APBB1IP: variants seen among roughly 807,000 people sequenced by gnomAD.
APBB1IP encodes the protein amyloid beta precursor protein binding family B member 1 interacting protein.
Under a neutral mutation model 64.9 loss-of-function variants are expected in APBB1IP, and 27 were observed. The observed-to-expected ratio is 0.42, with a 90% CI of 0.31 to 0.57. APBB1IP has a LOEUF of 0.57. APBB1IP is among the 20% of genes least tolerant of loss of function. The probability of loss-of-function intolerance (pLI) is 0.20; values close to 1 mark genes in which losing one functional copy is unlikely to be tolerated. For synonymous variants in APBB1IP, 392 were observed against 331.0 expected (o/e 1.18, Z -2.00); for missense variants, 812 against 845.5 (o/e 0.96, Z 0.49).
Position 26,567,240 on chromosome 10 carries a change from C to T in APBB1IP, c.1753C>T (p.Pro585Ser). 2 of 1,333,790 alleles carry T rather than the reference C, an allele frequency of 1.5e-6. No homozygotes were observed. Among genetic ancestry groups the T allele is most frequent in the South Asian group, 1.7e-5 (1 of 59,724 alleles). 82.6% of individuals were successfully genotyped at this position (1,333,790 alleles called of 1,614,324 possible). Residue 585 changes from proline (P) to serine (S), a missense_variant, in exon 15 of 15, where the codon CCG becomes TCG. By Grantham distance (74) the Pro-to-Ser change is moderately conservative (BLOSUM62 -1). Around this residue, in one of 3 missense-constraint regions of APBB1IP, gnomAD observed 381 missense variants for 352.1 expected, o/e 1.08. Coordinates refer to ENST00000376236, the MANE Select transcript of APBB1IP (RefSeq NM_019043.4). Reference protein sequence around the residue: ...FMEPPPDFVPPPPPSYAGIAG... With the variant: ...FMEPPPDFVPSPPPSYAGIAG... ...GGAGCCGCCCCCAGACTTCGTGCCC[C>T]CGCCCCCGCCGTCGTACGCAGGGAT...
chr10:26,469,607 AC>A (rs1835692670), intron 2 of APBB1IP, among the ~76,000 whole-genome samples: 1 of 151,488 alleles, frequency 6.6e-6, no homozygotes, highest in South Asian at 2.1e-4. Context: ...TTATTTTTCA[AC>A]TTTTATTTTA....
chr10:26,551,993 T>C (rs1263538757), intron 11 of APBB1IP, among the ~76,000 whole-genome samples: 2 of 152,108 alleles, frequency 1.3e-5, no homozygotes, highest in Non-Finnish European at 2.9e-5. Context: ...CCTTGTACCA[T>C]TGTGTCCTTC....
chr10:26,447,894 C>T (rs891740915), intron 2 of APBB1IP, among the ~76,000 whole-genome samples: 1 of 152,064 alleles, frequency 6.6e-6, no homozygotes, highest in Non-Finnish European at 1.5e-5. Flanking sequence ...CCTCGGCCTC[C>T]CAAAGTGCCG....
At chr10:26,527,559 G>GA (rs946509710) in intron 8 of APBB1IP, among the ~76,000 whole-genome samples, 33 of 145,202 alleles carry the variant, frequency 2.3e-4, no homozygotes, top group Non-Finnish European at 4.4e-4. Context: ...AAAAAAAAAA[G>GA]AAAAAAATAC....
chr10:26,463,177 C>G (rs1181725671), intron 2 of APBB1IP, among the ~76,000 whole-genome samples: 1 of 152,168 alleles, frequency 6.6e-6, no homozygotes, highest in South Asian at 2.1e-4. Context: ...GTGGCTCACA[C>G]CTGAAATCTC....
chr10:26,550,531 G>A (rs527547652), intron 11 of APBB1IP, among the ~76,000 whole-genome samples: 1 of 151,684 alleles, frequency 6.6e-6, no homozygotes, highest in African/African-American at 2.4e-5. Flanking sequence ...GATCAATTCT[G>A]CAGTTGATGT....
chr10:26,498,636 A>G (rs1836058453), intron 4 of APBB1IP, among the ~76,000 whole-genome samples: 2 of 152,238 alleles, frequency 1.3e-5, no homozygotes, highest in South Asian at 2.1e-4. Context: ...TAATCAGTTC[A>G]ATTAAAGTTA....
At position 26,567,643 on chromosome 10, in the gene APBB1IP, A is replaced by T; in HGVS notation, c.*155A>T. On this transcript the variant is annotated 3_prime_UTR_variant, in exon 15 of 15. Transcript: ENST00000376236. ...CAAGTACAGGCATAACCATTAACCC[A>T]GTAGAGTTCAGAATATCTGCCCAAA... is the stretch of plus-strand genomic sequence containing the variant. 7.2e-7 allele frequency: 1 copy of T among 1,391,978 alleles called. No individual in the cohort carries two copies. Among genetic ancestry groups the T allele is most frequent in the Non-Finnish European group, 9.4e-7 (1 of 1,058,502 alleles). 86.2% of individuals were successfully genotyped at this position (1,391,978 alleles called of 1,614,324 possible).
At chr10:26,537,898 C>T (rs977273814) in intron 10 of APBB1IP, among the ~76,000 whole-genome samples, 4 of 144,914 alleles carry the variant, frequency 2.8e-5, no homozygotes, top group African/African-American at 1.0e-4. Context: ...CATGCCGCTG[C>T]ACTCCAGCCT....
chr10:26,513,358 T>C (rs1286420787), intron 7 of APBB1IP, among the ~76,000 whole-genome samples, 181 bp from the exon 8 acceptor site: 1 of 152,216 alleles, frequency 6.6e-6, no homozygotes, highest in Non-Finnish European at 1.5e-5. Context: ...GGAAGATAAC[T>C]TGAAGACAAT....
intron 2 of APBB1IP, among the ~76,000 whole-genome samples, chr10:26,466,120 C>G (rs1482572676): frequency 6.6e-6 from 1 of 152,200 alleles, no homozygotes; most frequent in Non-Finnish European, 1.5e-5. Flanking sequence ...GTTTTTCACT[C>G]TCTTTCCTGG....
At chr10:26,534,128 A>G (rs1213510115) in intron 9 of APBB1IP, among the ~76,000 whole-genome samples, 2 of 151,986 alleles carry the variant, frequency 1.3e-5, no homozygotes, top group Non-Finnish European at 2.9e-5. Flanking sequence ...GATTTTTTGG[A>G]AACCTCTAAT....
chr10:26,539,049 C>T (rs1261246890), intron 10 of APBB1IP, among the ~76,000 whole-genome samples: 1 of 152,148 alleles, frequency 6.6e-6, no homozygotes, highest in Non-Finnish European at 1.5e-5. Context: ...TACCTCATTC[C>T]ATGTACCAAA....
intron 8 of APBB1IP, among the ~76,000 whole-genome samples, chr10:26,524,383 T>C (rs1836443993): frequency 6.6e-6 from 1 of 151,924 alleles, no homozygotes; most frequent in African/African-American, 2.4e-5. Context: ...AATTACCCAC[T>C]TCTTTCATCA....
chr10:26,548,337 CT>C (rs1340421542), intron 11 of APBB1IP, among the ~76,000 whole-genome samples: 4 of 140,542 alleles, frequency 2.8e-5, no homozygotes, highest in African/African-American at 1.0e-4. Flanking sequence ...TCCCTCCCCC[CT>C]CCCCCGACCC....
At chr10:26,443,610 C>T (rs1344690845) in intron 2 of APBB1IP, among the ~76,000 whole-genome samples, 2 of 152,082 alleles carry the variant, frequency 1.3e-5, no homozygotes, top group African/African-American at 2.4e-5. Flanking sequence ...TTAAGGCTCA[C>T]TGTAGCCTCA....
Position 26,567,156 on chromosome 10 carries a change from C to A in APBB1IP, c.1669C>A (p.Pro557Thr), listed in dbSNP as rs1220589467. 2.1e-6 allele frequency: 3 copies of A among 1,414,488 alleles called. No homozygotes were observed. Among genetic ancestry groups the A allele is most frequent in the East Asian group, 3.2e-5 (1 of 31,202 alleles). 87.6% of individuals were successfully genotyped at this position (1,414,488 alleles called of 1,614,324 possible). The part of the protein sequence containing the change: ...PAPPDDFLPP[P>T]PPPPPLDDPE... ...CCCACCCGACGACTTCCTGCCGCCGCCGCCACCGCCGCCGCCCCTCGATGA... is the reference window on the plus strand; with the variant it reads ...CCCACCCGACGACTTCCTGCCGCCGACGCCACCGCCGCCGCCCCTCGATGA... Residue 557 changes from proline (P) to threonine (T), a missense_variant, in exon 15 of 15, where the codon CCG becomes ACG. Transcript: ENST00000376236.
At chr10:26,445,892 AG>A (rs1339309170) in intron 2 of APBB1IP, among the ~76,000 whole-genome samples, 11,635 of 152,254 alleles carry the variant, frequency 0.076, 1,432 homozygotes, top group African/African-American at 0.26. Context: ...GATCGAGATA[AG>A]TGACATTTCA....
intron 6 of APBB1IP, among the ~76,000 whole-genome samples, chr10:26,505,515 C>T (rs1836163998): frequency 6.6e-6 from 1 of 152,064 alleles, no homozygotes. Flanking sequence ...ACCTACAAAA[C>T]CATTTTACTT....
Sources: allele counts gnomAD v4.1 joint callset (sites outside exome capture counted in the v4.1 genomes callset), GRCh38; gene constraint gnomAD v4.1.1; regional missense constraint gnomAD v4.1.1; transcripts MANE v1.5; gene names NCBI Gene and HGNC (gene_info 2026-07-23, HGNC 2026-07-21).